Variants in RNF6 observed in about 807,000 individuals in gnomAD.
The protein encoded by RNF6 is ring finger protein 6.
A neutral mutation model predicts 50.1 loss-of-function variants in RNF6; 21 were observed. The observed-to-expected ratio is 0.42, with a 90% confidence interval of 0.30 to 0.60. The LOEUF (loss-of-function observed/expected upper bound fraction) is 0.60. RNF6 is among the 20% of genes least tolerant of loss of function. RNF6 has a pLI of 0.20. For missense variants in RNF6, 698 were observed against 838.2 expected (o/e 0.83, Z 2.07); for synonymous variants, 255 against 291.8 (o/e 0.87, Z 1.29).
downstream of RNF6, among the ~76,000 whole-genome samples, chr13:26,209,197 A>G (rs184790574): frequency 6.1e-4 from 93 of 151,994 alleles, no homozygotes; most frequent in African/African-American, 2.0e-3. Context: ...TGAAATGCCA[A>G]GATCAAAGCC....
chr13:26,219,601 G>T lies in RNF6; in HGVS notation c.49C>A (p.Pro17Thr). The change falls in exon 3 of 5, where the codon CCT becomes ACT. Residue 17 changes from proline (P) to threonine (T), a missense_variant. Pro to Thr is a conservative substitution (Grantham distance 38). Transcript: ENST00000381588. The part of the protein sequence containing the change: ...RSDGGSEETL[P>T]QDHNHHENER... ...TTTTCATGATGATTATGGTCTTGAG[G>T]TAAGGTTTCTTCACTGCCACCATCT... is the stretch of plus-strand genomic sequence containing the variant. 1 of 1,613,880 alleles carries T rather than the reference G, an allele frequency of 6.2e-7. No individual in the cohort carries two copies. The highest frequency in any genetic ancestry group is 8.5e-7 in the Non-Finnish European group (1 of 1,179,920).
chr13:26,219,295 A>G (rs1870225792), intron 3 of RNF6, 162 bp downstream of exon 3: 1 of 582,936 alleles, frequency 1.7e-6, no homozygotes, highest in African/African-American at 1.9e-5. Context: ...GAAGCCAGTG[A>G]TTTTCTACTT....
At chr13:26,211,585 T>G (rs950062039), downstream of RNF6, among the ~76,000 whole-genome samples, 2 of 152,044 alleles carry the variant, frequency 1.3e-5, no homozygotes, top group Non-Finnish European at 2.9e-5. Context: ...GGTGAAACCC[T>G]GTCTCTACTA....
At chr13:26,164,164 A>C (rs1000124330) in intron 5 of RNF6, among the ~76,000 whole-genome samples, 10 of 152,160 alleles carry the variant, frequency 6.6e-5, no homozygotes, top group African/African-American at 2.4e-4. Flanking sequence ...GTTTCTTTTT[A>C]TTTATCATCC....
intron 5 of RNF6, among the ~76,000 whole-genome samples, chr13:26,147,343 T>A (rs1212178757): frequency 6.6e-6 from 1 of 152,214 alleles, no homozygotes; most frequent in Non-Finnish European, 1.5e-5. Context: ...ATGAGGAGAA[T>A]GAGCATTGTC....
intron 5 of RNF6, among the ~76,000 whole-genome samples, chr13:26,170,727 G>T (rs1341481515): frequency 6.6e-6 from 1 of 152,120 alleles, no homozygotes; most frequent in African/African-American, 2.4e-5. Context: ...TCTTGGTAAA[G>T]TTATTAGATT....
intron 5 of RNF6, among the ~76,000 whole-genome samples, chr13:26,171,907 G>T (rs1004177989): frequency 4.6e-5 from 7 of 152,248 alleles, no homozygotes; most frequent in African/African-American, 1.7e-4. Flanking sequence ...CTAGGGGAAG[G>T]GGGTAAAGAA....
In RNF6 at chr13:26,132,336, G is replaced by A. The variant is rs895390139; in HGVS notation, n.884C>T. On this transcript the variant is annotated non_coding_transcript_exon_variant, in exon 6 of 6. Transcript: ENST00000468480. The stretch of plus-strand genomic sequence containing the variant: ...GAAAGATAATACATTTTACCCCTTA[G>A]GCTCCAGGTTCCAGCGAAGCTATTG... The A allele has an allele frequency of 3.2e-5, 13 of 412,668 alleles. No individual in the cohort carries two copies. In the Admixed American group the frequency reaches 3.2e-4, roughly 10 times the overall value. 25.6% of individuals were successfully genotyped at this position (412,668 alleles called of 1,614,324 possible).
chr13:26,179,466 C>A (rs1336618058), intron 5 of RNF6, among the ~76,000 whole-genome samples: 1 of 152,180 alleles, frequency 6.6e-6, no homozygotes, highest in Non-Finnish European at 1.5e-5. Context: ...TTCTGTATCC[C>A]AGGGGCATTT....
chr13:26,214,933 T>C lies in RNF6; in HGVS notation c.949A>G (p.Arg317Gly). 7 of 1,614,250 alleles carry C rather than the reference T, an allele frequency of 4.3e-6. No individual in the cohort carries two copies. The highest frequency in any genetic ancestry group is 5.9e-6 in the Non-Finnish European group (7 of 1,180,040). ...SNSRSRSPIQ[R>G]QSGTVYHNSQ... ...TTATGATAAACAGTGCCACTCTGTCTCTGAATTGGTGAACGGCTTCGACTA... is the reference window on the plus strand; with the variant it reads ...TTATGATAAACAGTGCCACTCTGTCCCTGAATTGGTGAACGGCTTCGACTA... The change falls in exon 5 of 5, where the codon AGA becomes GGA. Residue 317 changes from arginine to glycine, a missense_variant. Physicochemically the swap from Arg to Gly is moderately radical, Grantham distance 125. Transcript: ENST00000381588.
At chr13:26,142,108 G>A (rs61944947) in intron 5 of RNF6, among the ~76,000 whole-genome samples, 15,614 of 152,142 alleles carry the variant, frequency 0.1, 1,066 homozygotes, top group Non-Finnish European at 0.15. Flanking sequence ...CAAAGAAGCA[G>A]TCACCAAACA....
chr13:26,165,103 T>C (rs1872384356), intron 5 of RNF6, among the ~76,000 whole-genome samples: 1 of 152,178 alleles, frequency 6.6e-6, no homozygotes, highest in Admixed American at 6.5e-5. Context: ...ATGGTTCCTA[T>C]GCTGTGTGCA....
At position 26,165,889 on chromosome 13, in the gene RNF6, C is replaced by A. The variant is rs191072765; in HGVS notation, n.769-33438G>T. On this transcript the variant is annotated intron_variant and non_coding_transcript_variant, in intron 5 of 5. Transcript: ENST00000468480. ...CTCAGATGAGACTTTGGACTGTGGA[C>A]TTTTGAGTTAATGCTGAAATAAGCT... Among the ~76,000 whole-genome samples, 17 of 152,226 alleles carry A rather than the reference C, an allele frequency of 1.1e-4. No individual in the cohort carries two copies. The East Asian group carries it at 3.1e-3, about 28-fold the overall frequency.
chr13:26,158,763 A>T (rs1872065770), intron 5 of RNF6, among the ~76,000 whole-genome samples: 1 of 152,064 alleles, frequency 6.6e-6, no homozygotes, highest in South Asian at 2.1e-4. Context: ...AAATACTTAA[A>T]GTGGTTATTT....
At chr13:26,147,657 C>G (rs372836576) in intron 5 of RNF6, among the ~76,000 whole-genome samples, 2 of 152,160 alleles carry the variant, frequency 1.3e-5, no homozygotes, top group Non-Finnish European at 2.9e-5. Context: ...CTTTCCCAAT[C>G]CATGTTCTCA....
intron 5 of RNF6, among the ~76,000 whole-genome samples, chr13:26,170,020 A>G (rs1221447934): frequency 6.6e-6 from 1 of 152,184 alleles, no homozygotes; most frequent in Non-Finnish European, 1.5e-5. Context: ...CTTTTTTTGC[A>G]AAAAGATTAA....
At chr13:26,155,542 C>T (rs990689004) in intron 5 of RNF6, among the ~76,000 whole-genome samples, 19 of 152,248 alleles carry the variant, frequency 1.2e-4, no homozygotes, top group African/African-American at 4.3e-4. Flanking sequence ...GTATAGAGAG[C>T]AAACAGGCTT....
At chr13:26,143,903 C>T (rs554373695) in intron 5 of RNF6, among the ~76,000 whole-genome samples, 16 of 152,276 alleles carry the variant, frequency 1.1e-4, no homozygotes, top group African/African-American at 3.9e-4. Flanking sequence ...GTGGATAAGG[C>T]ATTCTGTGAG....
intron 5 of RNF6, among the ~76,000 whole-genome samples, chr13:26,156,879 T>C (rs111892986): frequency 0.016 from 2,434 of 152,252 alleles, 72 homozygotes; most frequent in African/African-American, 0.055. Flanking sequence ...AGATGGGAGT[T>C]TATATAACAT....
Sources: gnomAD v4.1 joint callset for allele counts (sites outside exome capture counted in the v4.1 genomes callset) on GRCh38, gnomAD v4.1.1 for gene constraint, MANE v1.5 for transcripts, NCBI Gene and HGNC (gene_info 2026-07-23, HGNC 2026-07-21) for gene names.